The following NCKAP5 variants were observed in gnomAD, a reference collection of about 807,000 sequenced individuals.
NCKAP5 encodes the protein NCK associated protein 5.
A neutral mutation model predicts 167.0 loss-of-function variants in NCKAP5; 92 were observed. The ratio of observed to expected loss-of-function variants is 0.55; its 90% CI spans 0.47 to 0.66. The LOEUF is 0.66. Ranked by LOEUF, NCKAP5 falls within the 30% of genes least tolerant of loss-of-function variation. The pLI, the probability that NCKAP5 is intolerant of heterozygous loss-of-function variation, is 0.00. For missense variants in NCKAP5, 2,378 were observed against 2,315.0 expected (o/e 1.03, Z -0.56); for synonymous variants, 891 against 877.4 (o/e 1.02, Z -0.27).
intron 4 of NCKAP5, among the ~76,000 whole-genome samples, chr2:133,235,904 C>CA (rs34829891): frequency 0.11 from 14,320 of 130,210 alleles, 846 homozygotes; most frequent in East Asian, 0.27. Context: ...AACTCTATCT[C>CA]AAAAAAAAAA....
chr2:133,654,359 C>T, the NCKAP5 span, among the ~76,000 whole-genome samples: 1 of 148,404 alleles, frequency 6.7e-6, no homozygotes, highest in South Asian at 2.2e-4. Flanking sequence ...GCCTGGTTGA[C>T]AAAGCGAGAC....
At chr2:133,039,543 T>C (rs2079145302) in intron 6 of NCKAP5, among the ~76,000 whole-genome samples, 2 of 152,190 alleles carry the variant, frequency 1.3e-5, no homozygotes, top group Admixed American at 6.5e-5. Context: ...CTACAATTGC[T>C]GCACACTCTA....
At chr2:133,215,205 G>A (rs2086374879) in intron 4 of NCKAP5, among the ~76,000 whole-genome samples, 1 of 152,146 alleles carries the variant, frequency 6.6e-6, no homozygotes, top group Admixed American at 6.5e-5. Flanking sequence ...AATCAAGGCA[G>A]AAAGCTCCTG....
At chr2:133,615,845 T>C in the NCKAP5 span, among the ~76,000 whole-genome samples, 1 of 152,066 alleles carries the variant, frequency 6.6e-6, no homozygotes, top group Non-Finnish European at 1.5e-5. Flanking sequence ...CAACAGAATG[T>C]ACATTTTTTT....
At chr2:132,795,820 G>GAAAAAAAAAAAAAAAAAA (rs55826486) in intron 12 of NCKAP5, among the ~76,000 whole-genome samples, 4 of 85,048 alleles carry the variant, frequency 4.7e-5, no homozygotes, top group Admixed American at 1.3e-4. Flanking sequence ...CCCCGTATCA[G>GAAAAAAAAAAAAAAAAAA]AAAAAAAAAA....
chr2:132,978,564 A>C (rs1204706000), intron 7 of NCKAP5, among the ~76,000 whole-genome samples: 1 of 152,160 alleles, frequency 6.6e-6, no homozygotes, highest in Admixed American at 6.5e-5. Context: ...CTTGTCTTCT[A>C]TTCCTCCTCC....
intron 4 of NCKAP5, among the ~76,000 whole-genome samples, chr2:133,237,082 A>T (rs372725694): frequency 6.6e-6 from 1 of 151,954 alleles, no homozygotes; most frequent in African/African-American, 2.4e-5. Flanking sequence ...TATCAAATTT[A>T]AAAAAAAGAG....
chr2:133,545,757 G>A (rs1237756655), intron 2 of NCKAP5, among the ~76,000 whole-genome samples: 1 of 152,324 alleles, frequency 6.6e-6, no homozygotes, highest in South Asian at 2.1e-4. Context: ...TAGCATAGAA[G>A]GGAGGAGGGG....
chr2:132,888,487 C>T (rs1692429150), intron 8 of NCKAP5, among the ~76,000 whole-genome samples: 2 of 152,080 alleles, frequency 1.3e-5, no homozygotes, highest in Admixed American at 1.3e-4. Flanking sequence ...CTACTGGGTT[C>T]AAGCAATTTC....
At chr2:133,087,879 C>G (rs1443232176) in intron 6 of NCKAP5, among the ~76,000 whole-genome samples, 1 of 152,182 alleles carries the variant, frequency 6.6e-6, no homozygotes, top group Non-Finnish European at 1.5e-5. Flanking sequence ...GTTGCAGGCA[C>G]TGTGTTGTTT....
the NCKAP5 span, among the ~76,000 whole-genome samples, chr2:133,674,163 A>G: frequency 1.3e-5 from 2 of 152,060 alleles, no homozygotes; most frequent in Non-Finnish European, 2.9e-5. Flanking sequence ...AAAGCAAGGC[A>G]TTTCCAAATA....
intron 6 of NCKAP5, among the ~76,000 whole-genome samples, chr2:133,102,293 C>A (rs368737758): frequency 6.6e-6 from 1 of 152,072 alleles, no homozygotes; most frequent in African/African-American, 2.4e-5. Flanking sequence ...ACTATAGGCA[C>A]GTGCCACCAA....
intron 15 of NCKAP5, among the ~76,000 whole-genome samples, chr2:132,779,632 T>C (rs1398394473): frequency 1.3e-5 from 2 of 150,936 alleles, no homozygotes; most frequent in African/African-American, 4.9e-5. Context: ...GCAACGAACA[T>C]AATCTGCATA....
At chr2:133,043,275 G>A (rs1379035770) in intron 6 of NCKAP5, among the ~76,000 whole-genome samples, 1 of 152,152 alleles carries the variant, frequency 6.6e-6, no homozygotes, top group East Asian at 1.9e-4. Flanking sequence ...ACTCCTGTTT[G>A]CCCATCCCAT....
At position 132,784,414 on chromosome 2, in the gene NCKAP5, A is replaced by AT. The variant is rs1339519676; in HGVS notation, c.2396dup (p.Asn799LysfsTer36). The AT allele has an allele frequency of 6.2e-7, 1 of 1,612,894 alleles. No individual in the cohort carries two copies. The highest frequency in any genetic ancestry group is 2.2e-5 in the East Asian group (1 of 44,844). Reference sequence around the variant, plus strand: ...TGCCCCTGGGAGGTATTTTTGTCAGATTTTGCTTTTGATAGATGCCCATGG... The same window carrying AT: ...TGCCCCTGGGAGGTATTTTTGTCAGATTTTTGCTTTTGATAGATGCCCATGG... On this transcript the variant is annotated frameshift_variant, in exon 14 of 20. Coordinates refer to ENST00000409261, the MANE Select transcript of NCKAP5 (RefSeq NM_207363.3). LOFTEE classifies it high-confidence loss of function.
At chr2:133,122,732 C>A (rs902578853) in intron 6 of NCKAP5, 1 of 152,136 alleles carries the variant, frequency 6.6e-6, no homozygotes, top group African/African-American at 2.4e-5. Flanking sequence ...CCCACAGAGC[C>A]TCCCTGTGAT....
Position 133,077,220 on chromosome 2 carries a change from G to A in NCKAP5, c.341+52758C>T, listed in dbSNP as rs2080635528. 3.3e-5 allele frequency among the ~76,000 whole-genome samples: 5 copies of A among 152,296 alleles called. No homozygotes were observed. In the South Asian group the frequency reaches 1.0e-3, roughly 32 times the overall value. On this transcript the variant is annotated intron_variant, in intron 6 of 19. Coordinates refer to ENST00000409261, the MANE Select transcript of NCKAP5 (RefSeq NM_207363.3). ...TATGACAGTTATTACAAACACAGTT[G>A]TTTGAATACATACTAACAAGCACAT... is the stretch of plus-strand genomic sequence containing the variant.
chr2:133,410,475 G>C (rs549905852), intron 3 of NCKAP5, among the ~76,000 whole-genome samples: 2 of 152,118 alleles, frequency 1.3e-5, no homozygotes, highest in South Asian at 2.1e-4. Flanking sequence ...TACATCAAAG[G>C]GTTCTTAGGA....
intron 8 of NCKAP5, among the ~76,000 whole-genome samples, chr2:132,884,030 T>A (rs953826914): frequency 1.2e-4 from 19 of 152,202 alleles, no homozygotes; most frequent in Non-Finnish European, 2.5e-4. Context: ...TCATTTCAAC[T>A]CAGTCACGGT....
Sources: allele counts gnomAD v4.1 joint callset (sites outside exome capture counted in the v4.1 genomes callset), GRCh38; gene constraint gnomAD v4.1.1; transcripts MANE v1.5; gene names NCBI Gene and HGNC (gene_info 2026-07-23, HGNC 2026-07-21).